Variants in TNS4 observed in about 807,000 individuals in gnomAD.
TNS4 encodes the protein tensin-4.
A neutral mutation model predicts 70.4 loss-of-function variants in TNS4; 46 were observed. That is an observed-to-expected ratio of 0.65 (90% CI 0.52 to 0.84). TNS4 has a LOEUF of 0.84. TNS4 is among the 40% of genes least tolerant of loss of function. TNS4 has a pLI of 0.00. For missense variants in TNS4, 863 were observed against 907.0 expected, an observed-to-expected ratio of 0.95 and a Z score of 0.62; for synonymous variants, 390 against 366.6, an observed-to-expected ratio of 1.06 and a Z score of -0.73.
At chr17:40,489,368 C>T (rs1295939544) in intron 2 of TNS4, among the ~76,000 whole-genome samples, 3 of 152,324 alleles carry the variant, frequency 2.0e-5, no homozygotes, top group East Asian at 3.9e-4. Flanking sequence ...GTAGGCAGCA[C>T]AGCACTGTTC....
chr17:40,485,490 T>C (rs1256592483), intron 4 of TNS4, among the ~76,000 whole-genome samples: 1 of 152,208 alleles, frequency 6.6e-6, no homozygotes, highest in East Asian at 1.9e-4. Flanking sequence ...CAGAAAAACA[T>C]GCCCCTGGGA....
chr17:40,495,879 G>C, intron 2 of TNS4, 108 bp downstream of exon 2: 1 of 1,259,842 alleles, frequency 7.9e-7, no homozygotes, highest in Non-Finnish European at 1.1e-6. Context: ...GGTTTGCACA[G>C]CACCTCCCAA....
chr17:40,480,994 C>G, intron 8 of TNS4: 1 of 522,284 alleles, frequency 1.9e-6, no homozygotes, highest in Non-Finnish European at 3.4e-6. Context: ...ATCCCCTCCT[C>G]GCCCCCCCAC....
chr17:40,487,776 C>A (rs528536744), intron 3 of TNS4, among the ~76,000 whole-genome samples: 1 of 152,238 alleles, frequency 6.6e-6, no homozygotes, highest in Non-Finnish European at 1.5e-5. Flanking sequence ...ACTGAGCTGT[C>A]GGATCAGGAT....
chr17:40,495,494 G>C (rs1245629317), intron 2 of TNS4, among the ~76,000 whole-genome samples: 2 of 152,018 alleles, frequency 1.3e-5, no homozygotes, highest in Non-Finnish European at 2.9e-5. Context: ...AACACTACCG[G>C]GTCCTTATCC....
At chr17:40,494,817 T>C (rs1229251335) in intron 2 of TNS4, among the ~76,000 whole-genome samples, 10 of 151,942 alleles carry the variant, frequency 6.6e-5, no homozygotes, top group Admixed American at 6.6e-4. Context: ...CAGTGCCTGA[T>C]ATGTGTCCAG....
chr17:40,495,427 T>C (rs181372698), intron 2 of TNS4, among the ~76,000 whole-genome samples: 41 of 152,258 alleles, frequency 2.7e-4, no homozygotes, highest in African/African-American at 9.4e-4. Context: ...CAGCTCCCTC[T>C]GCCCCTGCTC....
Position 40,477,351 on chromosome 17 carries a change from G to T in TNS4, c.*237C>A, listed in dbSNP as rs1597685612. 1 of 506,940 alleles carries T rather than the reference G, an allele frequency of 2.0e-6. No individual in the cohort carries two copies. The highest frequency in any genetic ancestry group is 3.3e-5 in the East Asian group (1 of 30,688). 31.4% of individuals were successfully genotyped at this position (506,940 alleles called of 1,614,324 possible). A position where few individuals can be genotyped will look rare whatever the true frequency, so the allele number is the denominator to read the frequency against. On this transcript the variant is annotated 3_prime_UTR_variant, in exon 13 of 13. Transcript: ENST00000254051. ...AAATGCCCACCAGCATCTAAGAACAGCTGATCTTGTCTATTGGTCTTCTTC... is the reference window on the plus strand; with the variant it reads ...AAATGCCCACCAGCATCTAAGAACATCTGATCTTGTCTATTGGTCTTCTTC...
intron 10 of TNS4, among the ~76,000 whole-genome samples, 170 bp from the exon 11 acceptor site, chr17:40,478,818 G>A (rs972502524): frequency 2.6e-5 from 4 of 152,140 alleles, no homozygotes; most frequent in African/African-American, 9.7e-5. Flanking sequence ...CTGGCGCCCC[G>A]CTCCTGCCTC....
At chr17:40,490,418 C>T (rs923428770) in intron 2 of TNS4, among the ~76,000 whole-genome samples, 3 of 152,216 alleles carry the variant, frequency 2.0e-5, no homozygotes, top group Non-Finnish European at 2.9e-5. Flanking sequence ...GTTAATGAGC[C>T]GCTCCTTTCT....
chr17:40,497,214 C>T (rs1451349820), intron 1 of TNS4, among the ~76,000 whole-genome samples: 4 of 152,142 alleles, frequency 2.6e-5, no homozygotes, highest in Non-Finnish European at 5.9e-5. Flanking sequence ...GGAGGTCTTC[C>T]TGGAGGAAGG....
intron 3 of TNS4, among the ~76,000 whole-genome samples, chr17:40,488,055 G>C (rs974474882): frequency 6.6e-6 from 1 of 152,256 alleles, no homozygotes; most frequent in African/African-American, 2.4e-5. Context: ...GGCAGAATGG[G>C]TGCGCATGTG....
chr17:40,497,366 G>A (rs1162912662), intron 1 of TNS4, among the ~76,000 whole-genome samples: 1 of 152,240 alleles, frequency 6.6e-6, no homozygotes, highest in Admixed American at 6.5e-5. Flanking sequence ...CACTTTGGGA[G>A]TCTGAGGTGG....
At chr17:40,478,453 T>A in intron 11 of TNS4, 120 bp from the exon 12 acceptor site, 2 of 1,525,668 alleles carry the variant, frequency 1.3e-6, no homozygotes, top group Non-Finnish European at 1.8e-6. Flanking sequence ...CTACCCTCAT[T>A]CTGTCACCCT....
intron 1 of TNS4, among the ~76,000 whole-genome samples, chr17:40,500,157 A>G (rs1235571095): frequency 2.0e-5 from 3 of 152,198 alleles, no homozygotes; most frequent in African/African-American, 7.2e-5. Context: ...GTCTTGCTCC[A>G]CGGTCCCACA....
chr17:40,498,599 C>T (rs1471111202), intron 1 of TNS4, among the ~76,000 whole-genome samples: 1 of 152,158 alleles, frequency 6.6e-6, no homozygotes, highest in East Asian at 1.9e-4. Flanking sequence ...CTCTGTTGCC[C>T]AGGCTAGAGT....
chr17:40,495,836 G>T, intron 2 of TNS4, 151 bp downstream of exon 2: 1 of 735,564 alleles, frequency 1.4e-6, no homozygotes, highest in Non-Finnish European at 2.1e-6. Flanking sequence ...CCTTTGTGTA[G>T]CACAGAAAAC....
At chr17:40,499,212 C>T (rs893177862) in intron 1 of TNS4, among the ~76,000 whole-genome samples, 11 of 152,144 alleles carry the variant, frequency 7.2e-5, no homozygotes, top group African/African-American at 2.4e-4. Context: ...AATCCCTTTC[C>T]TGTTTTGTTC....
chr17:40,492,942 G>A (rs1232465908), intron 2 of TNS4, among the ~76,000 whole-genome samples: 1 of 152,054 alleles, frequency 6.6e-6, no homozygotes, highest in Non-Finnish European at 1.5e-5. Context: ...TGCTACTCAG[G>A]AGTCTGAGCT....
Sources: allele counts gnomAD v4.1 joint callset (sites outside exome capture counted in the v4.1 genomes callset), GRCh38; gene constraint gnomAD v4.1.1; transcripts MANE v1.5; gene names NCBI Gene and HGNC (gene_info 2026-07-23, HGNC 2026-07-21).